Variants in CCR5AS observed in about 807,000 individuals in gnomAD.
CCR5AS encodes the protein CCR5 antisense RNA.
chr3:46,390,575 G>A (rs1157760724), intron 2 of CCR5AS, among the ~76,000 whole-genome samples: 1 of 152,134 alleles, frequency 6.6e-6, no homozygotes, highest in Admixed American at 6.5e-5. Context: ...TGCATGATCG[G>A]TTGCCAAGGT....
chr3:46,392,112 T>C (rs974293366), intron 2 of CCR5AS, among the ~76,000 whole-genome samples: 1 of 152,216 alleles, frequency 6.6e-6, no homozygotes, highest in African/African-American at 2.4e-5. Flanking sequence ...CAAGTTTGTA[T>C]TGGGGCCAAG....
intron 3 of CCR5AS, among the ~76,000 whole-genome samples, chr3:46,366,117 G>A (rs1022822913): frequency 6.6e-6 from 1 of 152,196 alleles, no homozygotes; most frequent in African/African-American, 2.4e-5. Flanking sequence ...TATACAGACT[G>A]GAGTGAGAGG....
intron 3 of CCR5AS, among the ~76,000 whole-genome samples, chr3:46,366,679 A>G (rs1221231468): frequency 6.6e-6 from 1 of 152,216 alleles, no homozygotes; most frequent in Non-Finnish European, 1.5e-5. Flanking sequence ...AGACAACAGC[A>G]TGGTGAGTTC....
At chr3:46,382,196 T>C (rs1701823301) in intron 2 of CCR5AS, among the ~76,000 whole-genome samples, 1 of 152,184 alleles carries the variant, frequency 6.6e-6, no homozygotes. Context: ...CAACCAAGTG[T>C]ACAGTAAAGG....
chr3:46,367,862 G>A (rs779559422), intron 3 of CCR5AS, among the ~76,000 whole-genome samples: 2 of 152,174 alleles, frequency 1.3e-5, no homozygotes, highest in Non-Finnish European at 1.5e-5. Flanking sequence ...ATGAGCCACC[G>A]CACTTGGCCT....
chr3:46,364,165 A>T (rs539827285), downstream of CCR5AS, among the ~76,000 whole-genome samples: 2 of 152,396 alleles, frequency 1.3e-5, no homozygotes, highest in Admixed American at 1.3e-4. Flanking sequence ...ATGTTGGAAG[A>T]AGATGCCATC....
Position 46,372,678 on chromosome 3 carries a change from G to A in CCR5AS, n.392-1261C>T, listed in dbSNP as rs538757349. 2.0e-4 allele frequency: 84 copies of A among 422,674 alleles called. 1 individual carries two copies. Among genetic ancestry groups the A allele is most frequent in the African/African-American group, 1.6e-3 (81 of 50,590 alleles). The allele number at this position is 422,674 out of a possible 1,614,324, so 26.2% of individuals were successfully genotyped here. A position where few individuals can be genotyped will look rare whatever the true frequency, so the allele number is the denominator to read the frequency against. On this transcript the variant is annotated intron_variant and non_coding_transcript_variant, in intron 2 of 3. Coordinates refer to ENST00000451485, the Ensembl canonical transcript of CCR5AS. ...GGTGCTTTCATGAATTCCCCCAACA[G>A]AGCCAAGCTCTCCATCTAGTGGACA...
intron 1 of CCR5AS, among the ~76,000 whole-genome samples, chr3:46,393,840 G>A (rs1448072329): frequency 6.6e-6 from 1 of 152,220 alleles, no homozygotes. Context: ...AACCAAGAAT[G>A]AGCCTTCTGA....
intron 3 of CCR5AS, among the ~76,000 whole-genome samples, chr3:46,367,091 T>G (rs1006534636): frequency 2.0e-5 from 3 of 152,176 alleles, no homozygotes; most frequent in African/African-American, 7.2e-5. Flanking sequence ...GGACAGTATC[T>G]TTAATCCATT....
At chr3:46,373,030 T>C in intron 2 of CCR5AS, 1 of 1,614,138 alleles carries the variant, frequency 6.2e-7, no homozygotes, top group Middle Eastern at 1.6e-4. Flanking sequence ...GTGTTCATCT[T>C]TGGTTTTGTG....
At chr3:46,384,206 G>A (rs545351162) in intron 2 of CCR5AS, among the ~76,000 whole-genome samples, 108 of 152,368 alleles carry the variant, frequency 7.1e-4, no homozygotes, top group Non-Finnish European at 1.3e-3. Context: ...CTTAGGACCC[G>A]AGAGATTGGT....
At chr3:46,364,634 C>CTATA (rs3054358) in exon 4 of CCR5AS, among the ~76,000 whole-genome samples, 48,276 of 149,244 alleles carry the variant, frequency 0.32, 8,657 homozygotes, top group East Asian at 0.54. Flanking sequence ...TAAGAAATAG[C>CTATA]TATATATATA....
At chr3:46,370,640 T>G (rs567333854) in intron 3 of CCR5AS, among the ~76,000 whole-genome samples, 3 of 152,368 alleles carry the variant, frequency 2.0e-5, no homozygotes, top group Non-Finnish European at 4.4e-5. Context: ...GGCTTTTGAC[T>G]AGATGAATGT....
At chr3:46,382,158 T>A (rs1701822762) in intron 2 of CCR5AS, among the ~76,000 whole-genome samples, 1 of 152,228 alleles carries the variant, frequency 6.6e-6, no homozygotes, top group Admixed American at 6.5e-5. Context: ...ATGTTCAACA[T>A]GGATTCTCCA....
chr3:46,385,926 G>C (rs1408256356), intron 2 of CCR5AS, among the ~76,000 whole-genome samples: 2 of 152,008 alleles, frequency 1.3e-5, no homozygotes, highest in East Asian at 3.9e-4. Flanking sequence ...ATTTTCAGTA[G>C]AGATGGGGTT....
chr3:46,378,528 A>C (rs1701783959), intron 2 of CCR5AS, among the ~76,000 whole-genome samples: 1 of 152,122 alleles, frequency 6.6e-6, no homozygotes, highest in Non-Finnish European at 1.5e-5. Flanking sequence ...AGCCATGGCA[A>C]GCCTTGGGTC....
At chr3:46,365,970 T>C (rs1701594814) in intron 3 of CCR5AS, among the ~76,000 whole-genome samples, 1 of 152,204 alleles carries the variant, frequency 6.6e-6, no homozygotes, top group African/African-American at 2.4e-5. Flanking sequence ...CATGCTGGCC[T>C]CTCCTTTTGC....
chr3:46,391,188 G>A (rs1299684921), intron 2 of CCR5AS, among the ~76,000 whole-genome samples: 1 of 152,216 alleles, frequency 6.6e-6, no homozygotes, highest in Admixed American at 6.5e-5. Flanking sequence ...CAGATTTCCG[G>A]CACTTGAAGG....
intron 2 of CCR5AS, among the ~76,000 whole-genome samples, chr3:46,392,017 T>A (rs35260614): frequency 6.6e-6 from 1 of 152,128 alleles, no homozygotes. Context: ...CTCAGACCAT[T>A]TGCCCATTTT....
Sources: gnomAD v4.1 joint callset for allele counts (sites outside exome capture counted in the v4.1 genomes callset) on GRCh38, gnomAD v4.1.1 for gene constraint, MANE v1.5 for transcripts, NCBI Gene and HGNC (gene_info 2026-07-23, HGNC 2026-07-21) for gene names.